The following SPRY3 variants were observed in gnomAD, a reference collection of about 807,000 sequenced individuals.
The protein encoded by SPRY3 is protein sprouty homolog 3.
A neutral mutation model predicts 20.2 loss-of-function variants in SPRY3; 15 were observed. The ratio of observed to expected loss-of-function variants is 0.74; its 90% CI spans 0.50 to 1.14. The LOEUF (loss-of-function observed/expected upper bound fraction) is 1.14, where lower values mean the gene tolerates loss of function less well. Ranked by LOEUF, SPRY3 falls within the 50% of genes most tolerant of loss-of-function variation. The pLI, the probability that SPRY3 is intolerant of heterozygous loss-of-function variation, is 0.00. For missense variants in SPRY3, 364 were observed against 363.9 expected, an observed-to-expected ratio of 1.00 and a Z score of 0.00; for synonymous variants, 143 against 136.5, an observed-to-expected ratio of 1.05 and a Z score of -0.33.
chrX:155,768,242 TGCCGCGCGCTTGGGCGCGCGCGC>T (rs1245119800), intron 3 of SPRY3, 106 bp downstream of exon 2: 9 of 318 alleles, frequency 0.028, no homozygotes, highest in Non-Finnish European at 0.034. Context: ...TGCGTGTGTG[TGCCGCGCGCTTGGGCGCGCGCGC>T]GCAAGCGCAT....
intron 2 of SPRY3, among the ~76,000 whole-genome samples, chrX:155,719,629 C>T (rs1319587905): frequency 6.6e-6 from 1 of 152,020 alleles, no homozygotes; most frequent in Non-Finnish European, 1.5e-5. Context: ...TCTTGGATAT[C>T]AGCTCAGCCA....
intron 2 of SPRY3, among the ~76,000 whole-genome samples, chrX:155,765,179 G>T (rs2091319937): frequency 6.6e-6 from 1 of 152,128 alleles, no homozygotes; most frequent in Non-Finnish European, 1.5e-5. Flanking sequence ...CAAATATTCA[G>T]ACCATAGCAT....
intron 1 of SPRY3, among the ~76,000 whole-genome samples, chrX:155,648,367 C>T (rs2067964680): frequency 8.9e-6 from 1 of 112,863 alleles, no homozygotes; most frequent in Non-Finnish European, 1.9e-5. Context: ...GTCATGAAGT[C>T]TTGGCCCATG....
chrX:155,742,834 C>A (rs185468506), intron 2 of SPRY3, among the ~76,000 whole-genome samples: 3 of 152,184 alleles, frequency 2.0e-5, no homozygotes, highest in Admixed American at 2.0e-4. Flanking sequence ...ACAGCTAAAG[C>A]AGTGTTAAGA....
intron 2 of SPRY3, among the ~76,000 whole-genome samples, chrX:155,709,015 A>G (rs2090969683): frequency 6.6e-6 from 1 of 151,502 alleles, no homozygotes; most frequent in African/African-American, 2.4e-5. Flanking sequence ...ATTATTTTTT[A>G]TGACTGAATA....
In SPRY3 at chrX:155,650,164, C is replaced by T. The variant is rs187838020; in HGVS notation, c.-440-6703C>T. 3.4e-3 allele frequency among the ~76,000 whole-genome samples: 381 copies of T among 111,394 alleles called. 2 individuals carry two copies. Among genetic ancestry groups the T allele is most frequent in the African/African-American group, 4.4e-3 (135 of 30,708 alleles). ...GCTCATGGATAGGAAGAATCAATAT[C>T]GTGAAAATGGCCATACTGCTCATAG... On this transcript the variant is annotated intron_variant, in intron 1 of 3. Transcript: ENST00000675360.
rs185988480 is a variant in SPRY3, at chrX:155,654,392, A to G, written c.-440-2475A>G. 4.5e-5 allele frequency among the ~76,000 whole-genome samples: 5 copies of G among 111,443 alleles called. No individual in the cohort carries two copies. In the East Asian group the frequency reaches 1.4e-3, roughly 31 times the overall value. The stretch of plus-strand genomic sequence containing the variant: ...TGTTATGTGGATATATTACATAATG[A>G]TAAAGTCTGGATTTTTGGTTTACTC... On this transcript the variant is annotated intron_variant, in intron 1 of 3. Transcript: ENST00000675360.
intron 2 of SPRY3, among the ~76,000 whole-genome samples, chrX:155,702,939 C>G (rs2090922368): frequency 9.3e-6 from 1 of 107,358 alleles, no homozygotes; most frequent in South Asian, 4.2e-4. Context: ...GTATATTGAA[C>G]CAGCCTTGCA....
At chrX:155,699,186 C>T (rs990393132) in intron 2 of SPRY3, among the ~76,000 whole-genome samples, 11 of 112,064 alleles carry the variant, frequency 9.8e-5, no homozygotes, top group African/African-American at 3.6e-4. Flanking sequence ...AGAAAAACTT[C>T]TAGAACTCAT....
At chrX:155,697,642 GTGTGTGTGTGTGTC>G (rs1421862411) in intron 2 of SPRY3, among the ~76,000 whole-genome samples, 2 of 109,118 alleles carry the variant, frequency 1.8e-5, no homozygotes, top group African/African-American at 3.4e-5. Context: ...GGGTGTGTGT[GTGTGTGTGTGTGTC>G]TGTGTGTGTG....
Position 155,616,132 on chromosome X carries a change from T to TC in SPRY3, c.-441+3486dup, listed in dbSNP as rs1164811143. Among the ~76,000 whole-genome samples, 61 of 29,716 alleles carry TC rather than the reference T, an allele frequency of 2.1e-3. 1 individual carries two copies. Among genetic ancestry groups the TC allele is most frequent in the African/African-American group, 3.5e-3 (57 of 16,441 alleles). 25.8% of individuals were successfully genotyped at this position (29,716 alleles called of 115,157 possible). A position where few individuals can be genotyped will look rare whatever the true frequency, so the allele number is the denominator to read the frequency against. ...TCTCTCTCTCTCTCTCTCTCTCTCC[T>TC]CTCTCTCTCTCTCTCTCTTCTCTCT... is the stretch of plus-strand genomic sequence containing the variant. On this transcript the variant is annotated intron_variant, in intron 1 of 3. Coordinates refer to ENST00000675360, the Ensembl canonical transcript of SPRY3.
chrX:155,717,730 A>G (rs2091032379), intron 2 of SPRY3, among the ~76,000 whole-genome samples: 1 of 152,144 alleles, frequency 6.6e-6, no homozygotes, highest in Non-Finnish European at 1.5e-5. Flanking sequence ...TGGAAAGGAT[A>G]TGAACTCATC....
downstream of SPRY3, chrX:155,778,744 G>C (rs761586503): frequency 6.0e-6 from 1 of 167,170 alleles, no homozygotes; most frequent in Non-Finnish European, 1.5e-5. Context: ...AGAACATCTA[G>C]TCCAATGTCA....
chrX:155,628,841 G>A (rs1462664158), intron 1 of SPRY3, among the ~76,000 whole-genome samples: 2 of 111,686 alleles, frequency 1.8e-5, no homozygotes, highest in African/African-American at 6.5e-5. Flanking sequence ...ATCCTAATAG[G>A]AATGAGGCAA....
At chrX:155,711,210 TA>T in intron 2 of SPRY3, among the ~76,000 whole-genome samples, 1 of 151,944 alleles carries the variant, frequency 6.6e-6, no homozygotes, top group East Asian at 1.9e-4. Context: ...CTTTATTTTT[TA>T]AAATAGTTTG....
At chrX:155,753,127 A>G (rs2091270529) in intron 2 of SPRY3, among the ~76,000 whole-genome samples, 3 of 151,870 alleles carry the variant, frequency 2.0e-5, no homozygotes, top group Admixed American at 6.6e-5. Context: ...TAAGTCACCC[A>G]TGTAATGTGC....
intron 2 of SPRY3, among the ~76,000 whole-genome samples, chrX:155,762,423 G>C (rs2091307943): frequency 6.6e-6 from 1 of 151,544 alleles, no homozygotes; most frequent in African/African-American, 2.4e-5. Flanking sequence ...TGGATGATGA[G>C]ACAATGAATT....
intron 1 of SPRY3, among the ~76,000 whole-genome samples, chrX:155,652,399 A>G (rs2124545910): frequency 9.0e-6 from 1 of 110,611 alleles, no homozygotes; most frequent in African/African-American, 3.3e-5. Context: ...ACCCCAGCCC[A>G]TTACAACCTT....
chrX:155,780,124 A>G (rs2091454772), downstream of SPRY3: 1 of 166,972 alleles, frequency 6.0e-6, no homozygotes, highest in African/African-American at 2.4e-5. Context: ...TCCCATATGT[A>G]TTTGTTGGCC....
Sources: allele counts gnomAD v4.1 joint callset (sites outside exome capture counted in the v4.1 genomes callset), GRCh38; gene constraint gnomAD v4.1.1; transcripts MANE v1.5; gene names NCBI Gene and HGNC (gene_info 2026-07-23, HGNC 2026-07-21).